The following PCDHGB1 variants were observed in gnomAD, a reference collection of about 807,000 sequenced individuals.
PCDHGB1 encodes protocadherin gamma subfamily B, 1, also known as protocadherin gamma-B1.
PCDHGB1 carries 34 observed loss-of-function variants against 56.6 expected under a neutral mutation model. The ratio of observed to expected loss-of-function variants is 0.60; its 90% CI spans 0.46 to 0.80. The LOEUF (loss-of-function observed/expected upper bound fraction) is 0.80, where lower values mean the gene tolerates loss of function less well. PCDHGB1 is among the 30% of genes least tolerant of loss of function. The pLI is 0.00. For missense variants in PCDHGB1, 1,278 were observed against 1,204.6 expected, an observed-to-expected ratio of 1.06 and a Z score of -0.90; for synonymous variants, 561 against 505.9, an observed-to-expected ratio of 1.11 and a Z score of -1.46.
intron 1 of PCDHGB1, among the ~76,000 whole-genome samples, chr5:141,442,703 C>A (rs1405830887): frequency 6.6e-6 from 1 of 152,218 alleles, no homozygotes; most frequent in Admixed American, 6.5e-5. Flanking sequence ...ACAAGAGTAT[C>A]AGACATGCCA....
chr5:141,428,513 AAAG>A (rs891793310), intron 1 of PCDHGB1: 2 of 280,938 alleles, frequency 7.1e-6, no homozygotes, highest in Non-Finnish European at 1.4e-5. Context: ...GATTCTAGAA[AAAG>A]AAGATTTAAT....
intron 1 of PCDHGB1, 134 bp from the exon 2 acceptor site, chr5:141,494,673 C>G: frequency 4.5e-6 from 7 of 1,542,992 alleles, no homozygotes; most frequent in Non-Finnish European, 6.1e-6. Flanking sequence ...GATGAGTCCA[C>G]CCCTGCCCCC....
chr5:141,378,991 T>C (rs530834817), intron 1 of PCDHGB1: 34 of 152,352 alleles, frequency 2.2e-4, no homozygotes, highest in African/African-American at 7.7e-4. Flanking sequence ...AACTACATTA[T>C]AGTCAAGATT....
At chr5:141,475,218 A>G (rs2154572291) in intron 1 of PCDHGB1, among the ~76,000 whole-genome samples, 1 of 152,326 alleles carries the variant, frequency 6.6e-6, no homozygotes, top group African/African-American at 2.4e-5. Flanking sequence ...GGATTGATCA[A>G]GTAAAGGGAA....
Position 141,477,952 on chromosome 5 carries a change from A to C in PCDHGB1, c.2410-16855A>C, listed in dbSNP as rs907708638. The C allele has an allele frequency of 1.2e-6, 2 of 1,614,038 alleles. No individual in the cohort carries two copies. Among genetic ancestry groups the C allele is most frequent in the Non-Finnish European group, 1.7e-6 (2 of 1,180,002 alleles). Reference sequence around the variant, plus strand: ...CCTGGCTCTCCTACAGTCTCTTGGGATCCCCTAACCAGAGCCTTTTTGCCA... The same window carrying C: ...CCTGGCTCTCCTACAGTCTCTTGGGCTCCCCTAACCAGAGCCTTTTTGCCA... On this transcript the variant is annotated intron_variant, in intron 1 of 3. Coordinates refer to ENST00000523390, the MANE Select transcript of PCDHGB1 (RefSeq NM_018922.3). This position sits in a 1 kb window ranked among gnomAD's most constrained non-coding sequence, Gnocchi z 4.9.
At position 141,414,671 on chromosome 5, in the gene PCDHGB1, C is replaced by A. The variant is rs115280317; in HGVS notation, c.2409+62002C>A. On this transcript the variant is annotated intron_variant, in intron 1 of 3. Coordinates refer to ENST00000523390, the MANE Select transcript of PCDHGB1 (RefSeq NM_018922.3). ...ATTATTTACTCCCTGGCTGAAGACA[C>A]CATCCAGGGGGTACCTCTGTCCTCA... 857 of 1,613,966 alleles carry A rather than the reference C, an allele frequency of 5.3e-4. 9 individuals carry two copies. In the African/African-American group the frequency reaches 0.01, roughly 19 times the overall value.
Position 141,415,740 on chromosome 5 carries a change from G to T in PCDHGB1, c.2409+63071G>T, listed in dbSNP as rs866795513. 9.4e-4 allele frequency: 585 copies of T among 624,884 alleles called. 4 individuals carry two copies. The highest frequency in any genetic ancestry group is 8.0e-3 in the African/African-American group (318 of 39,862). 38.7% of individuals were successfully genotyped at this position (624,884 alleles called of 1,614,324 possible). A position where few individuals can be genotyped will look rare whatever the true frequency, so the allele number is the denominator to read the frequency against. The stretch of plus-strand genomic sequence containing the variant: ...TGAGTAGAATTTGATGTTTATTAAG[G>T]TTTTTTTTTTTTTTTTTTTTTTTTT... On this transcript the variant is annotated intron_variant, in intron 1 of 3. Coordinates refer to ENST00000523390, the MANE Select transcript of PCDHGB1 (RefSeq NM_018922.3).
intron 1 of PCDHGB1, among the ~76,000 whole-genome samples, chr5:141,472,991 AAAAAAAGAAAGAAAAAG>A (rs2099310051): frequency 6.6e-6 from 1 of 151,894 alleles, no homozygotes; most frequent in Admixed American, 6.6e-5. Flanking sequence ...AAAAAAAAAA[AAAAAAAGAAAGAAAAAG>A]AAAAAGAAAG....
chr5:141,427,928 G>A (rs1178662640), intron 1 of PCDHGB1: 2 of 1,583,504 alleles, frequency 1.3e-6, no homozygotes. Flanking sequence ...GCCGGCGCAT[G>A]TTGGTGGGCG....
intron 1 of PCDHGB1, chr5:141,383,106 A>T (rs760790560): frequency 6.2e-7 from 1 of 1,613,828 alleles, no homozygotes; most frequent in Non-Finnish European, 8.5e-7. Context: ...TCATCTCCAG[A>T]GGTAGGACGC....
At chr5:141,405,008 G>A in intron 1 of PCDHGB1, 1 of 1,614,000 alleles carries the variant, frequency 6.2e-7, no homozygotes, top group Non-Finnish European at 8.5e-7. Context: ...AGACCTGGAG[G>A]CCTCAGACCT....
chr5:141,438,627 T>TATAC (rs2098031123), intron 1 of PCDHGB1, among the ~76,000 whole-genome samples: 4 of 48,012 alleles, frequency 8.3e-5, no homozygotes, highest in Admixed American at 6.2e-4. Flanking sequence ...TATATATATA[T>TATAC]ATATATATAC....
chr5:141,394,145 C>A, intron 1 of PCDHGB1: 1 of 1,613,962 alleles, frequency 6.2e-7, no homozygotes, highest in Non-Finnish European at 8.5e-7. Flanking sequence ...ACGTGGCAGA[C>A]ATTAACGACA....
At chr5:141,375,449 TC>T in intron 1 of PCDHGB1, 1 of 1,613,978 alleles carries the variant, frequency 6.2e-7, no homozygotes, top group Non-Finnish European at 8.5e-7. Context: ...CCCCCATTCA[TC>T]CTACTCAGTC....
At chr5:141,365,071 C>T (rs184618404) in intron 1 of PCDHGB1, 6 of 1,613,868 alleles carry the variant, frequency 3.7e-6, no homozygotes, top group Non-Finnish European at 5.1e-6. Flanking sequence ...CATCCGAGTA[C>T]AGCGTGAGTG....
chr5:141,441,609 A>G (rs922588350), intron 1 of PCDHGB1: 2 of 218,734 alleles, frequency 9.1e-6, no homozygotes, highest in South Asian at 5.5e-5. Context: ...TCCCTATTCC[A>G]TCGTGGCCAG....
intron 1 of PCDHGB1, chr5:141,371,291 G>C: frequency 6.2e-7 from 1 of 1,613,976 alleles, no homozygotes; most frequent in Non-Finnish European, 8.5e-7. Context: ...GTAAAACGGG[G>C]GAACTCACCA....
At position 141,410,774 on chromosome 5, in the gene PCDHGB1, C is replaced by T; in HGVS notation, c.2409+58105C>T. 4 of 955,126 alleles carry T rather than the reference C, an allele frequency of 4.2e-6. No individual in the cohort carries two copies. The South Asian group carries it at 6.1e-5, about 15-fold the overall frequency. The allele number at this position is 955,126 out of a possible 1,614,324, so 59.2% of individuals were successfully genotyped here. ...AATGTTTTTTCAATTATAGTTTTCA[C>T]TATGTATTTGGTTCATAAGTTGCTC... On this transcript the variant is annotated intron_variant, in intron 1 of 3. Coordinates refer to ENST00000523390, the MANE Select transcript of PCDHGB1 (RefSeq NM_018922.3).
chr5:141,361,132 A>C (rs958485360), intron 1 of PCDHGB1: 1 of 1,613,986 alleles, frequency 6.2e-7, no homozygotes, highest in Admixed American at 1.7e-5. Context: ...CCACTGCAGT[A>C]TCCAAGTTGA....
Sources: gnomAD v4.1 joint callset for allele counts (sites outside exome capture counted in the v4.1 genomes callset) on GRCh38, gnomAD v4.1.1 for gene constraint, Gnocchi (gnomAD v3.1) non-coding constraint, MANE v1.5 for transcripts, NCBI Gene and HGNC (gene_info 2026-07-23, HGNC 2026-07-21) for gene names.